The following ZNF708 variants were observed in gnomAD, a reference collection of about 807,000 sequenced individuals.
ZNF708 encodes ZNF15, ZNF15L1.
In ZNF708, 44 loss-of-function variants were observed where a neutral mutation model predicts 47.0. The observed-to-expected ratio is 0.94, with a 90% CI of 0.74 to 1.20. ZNF708 has a LOEUF of 1.20. Ranked by LOEUF, ZNF708 falls within the 50% of genes most tolerant of loss-of-function variation. The pLI, the probability that ZNF708 is intolerant of heterozygous loss-of-function variation, is 0.00. For synonymous variants in ZNF708, 184 were observed against 218.5 expected (o/e 0.84, Z 1.39); for missense variants, 557 against 656.0 (o/e 0.85, Z 1.65).
At chr19:21,307,128 A>T (rs866672510) in intron 3 of ZNF708, among the ~76,000 whole-genome samples, 214 of 145,422 alleles carry the variant, frequency 1.5e-3, no homozygotes, top group Middle Eastern at 0.015. Flanking sequence ...ATATAAAATA[A>T]AAAATAAAAT....
rs77583547 is a variant in ZNF708 at position 21,294,523 on chromosome 19, A to T, written c.443T>A (p.Val148Asp). 3.6e-3 allele frequency: 5,846 copies of T among 1,614,154 alleles called. 19 individuals are homozygous for T. Among genetic ancestry groups the T allele is most frequent in the Non-Finnish European group, 4.3e-3 (5,083 of 1,180,010 alleles). The part of the protein sequence containing the change: ...KIVQCDKYVK[V>D]FHKYSNAKRH... ...CTTTGCATTTGAATATTTATGAAAGACTTTCACGTATTTGTCACACTGAAC... is the reference window on the plus strand; with the variant it reads ...CTTTGCATTTGAATATTTATGAAAGTCTTTCACGTATTTGTCACACTGAAC... Residue 148 changes from valine to aspartate, a missense_variant, in exon 4 of 4, where the codon GTC becomes GAC. Transcript: ENST00000356929.
intron 1 of ZNF708, among the ~76,000 whole-genome samples, chr19:21,313,385 G>A (rs1305489363): frequency 6.6e-6 from 1 of 151,872 alleles, no homozygotes; most frequent in Non-Finnish European, 1.5e-5. Flanking sequence ...GGTACTAAGT[G>A]TTTAATAATT....
chr19:21,309,936 A>C (rs1972862139), intron 2 of ZNF708, among the ~76,000 whole-genome samples: 1 of 152,188 alleles, frequency 6.6e-6, no homozygotes, highest in Non-Finnish European at 1.5e-5. Flanking sequence ...TATGCCACTA[A>C]ATTTCTGGAA....
chr19:21,329,265 G>T lies in ZNF708; in HGVS notation c.-53C>A. The T allele has an allele frequency of 1.2e-6, 2 of 1,607,414 alleles. No individual in the cohort carries two copies. Among genetic ancestry groups the T allele is most frequent in the East Asian group, 4.5e-5 (2 of 44,594 alleles). On this transcript the variant is annotated 5_prime_UTR_variant, in exon 1 of 4. Transcript: ENST00000356929. ...CTTAGCTGTGGATCTCCCAATACCT[G>T]CAGGTCACAGAGCCACAGAGTCTGG...
intron 3 of ZNF708, among the ~76,000 whole-genome samples, chr19:21,297,678 G>A (rs576638523): frequency 6.9e-5 from 10 of 145,536 alleles, no homozygotes; most frequent in Non-Finnish European, 1.5e-5. Flanking sequence ...AATTTTCAAC[G>A]AAATGATTTA....
intron 3 of ZNF708, among the ~76,000 whole-genome samples, chr19:21,299,566 C>G (rs1302262974): frequency 2.0e-5 from 3 of 151,828 alleles, no homozygotes; most frequent in Admixed American, 2.0e-4. Context: ...GCCTGGCCAA[C>G]ATGGTGAAAC....
rs1457089089 is a variant in ZNF708, at chr19:21,327,225, T to C, written c.3+1985A>G. On this transcript the variant is annotated intron_variant, in intron 1 of 3. Coordinates refer to ENST00000356929, the MANE Select transcript of ZNF708 (RefSeq NM_021269.3). ...TGACAAACCCAGGGAGTGGTAGTGC[T>C]AATTAGAAAACAGATGTGTCTAGAC... 5.3e-5 allele frequency among the ~76,000 whole-genome samples: 8 copies of C among 152,060 alleles called. No individual in the cohort carries two copies. The East Asian group carries it at 1.6e-3, about 30-fold the overall frequency.
chr19:21,295,539 A>C (rs989740368), intron 3 of ZNF708, among the ~76,000 whole-genome samples: 1 of 152,162 alleles, frequency 6.6e-6, no homozygotes, highest in African/African-American at 2.4e-5. Context: ...TGAGGTTGGG[A>C]GTTCAAGACC....
chr19:21,315,957 C>G (rs1371345004), intron 1 of ZNF708, among the ~76,000 whole-genome samples: 1 of 150,894 alleles, frequency 6.6e-6, no homozygotes, highest in Non-Finnish European at 1.5e-5. Flanking sequence ...GTAATCCCAG[C>G]TACTGAGAGG....
Position 21,293,421 on chromosome 19 carries a change from C to T in ZNF708, c.1545G>A (p.Gln515=). 1.2e-6 allele frequency: 2 copies of T among 1,612,328 alleles called. No homozygotes were observed. The highest frequency in any genetic ancestry group is 1.7e-6 in the Non-Finnish European group (2 of 1,179,446). ...TCTTATGTTTCATAAGGGTTGAGGA[C>T]TGGTTAAAAGCTTTGCCACATTCTT... ...KCKECGKAFN[Q]SSTLMKHKII... Residue 515 remains glutamine, a synonymous_variant, in exon 4 of 4, where the codon CAG becomes CAA. Transcript: ENST00000356929.
intron 2 of ZNF708, among the ~76,000 whole-genome samples, chr19:21,310,243 G>A (rs991342903): frequency 5.3e-5 from 8 of 151,634 alleles, no homozygotes; most frequent in African/African-American, 1.9e-4. Context: ...TCAGGAGTTC[G>A]AGATCAGCCT....
At chr19:21,322,085 C>G (rs558498116) in intron 1 of ZNF708, among the ~76,000 whole-genome samples, 2 of 152,136 alleles carry the variant, frequency 1.3e-5, no homozygotes, top group East Asian at 3.9e-4. Flanking sequence ...GCGGATATGC[C>G]AGGAGACTTG....
chr19:21,325,907 T>C (rs904055097), intron 1 of ZNF708, among the ~76,000 whole-genome samples: 10 of 152,134 alleles, frequency 6.6e-5, no homozygotes, highest in African/African-American at 2.4e-4. Context: ...ACTAAGGATA[T>C]GAATAAACAA....
At chr19:21,325,493 TGGG>T (rs1486181246) in intron 1 of ZNF708, among the ~76,000 whole-genome samples, 1 of 152,192 alleles carries the variant, frequency 6.6e-6, no homozygotes, top group Non-Finnish European at 1.5e-5. Context: ...CAAATGGTAC[TGGG>T]ATAATTGGCT....
intron 1 of ZNF708, among the ~76,000 whole-genome samples, chr19:21,314,784 A>G (rs1327803201): frequency 6.6e-6 from 1 of 152,174 alleles, no homozygotes; most frequent in Non-Finnish European, 1.5e-5. Flanking sequence ...CAAACACAGG[A>G]TGACTCATTT....
chr19:21,307,731 G>A (rs923897180), intron 3 of ZNF708, among the ~76,000 whole-genome samples: 1 of 152,082 alleles, frequency 6.6e-6, no homozygotes, highest in African/African-American at 2.4e-5. Context: ...ACTATATTGT[G>A]CCCACTTGTC....
intron 1 of ZNF708, among the ~76,000 whole-genome samples, chr19:21,316,068 C>CAAA (rs71176850): frequency 1.4e-5 from 2 of 139,032 alleles, no homozygotes; most frequent in Non-Finnish European, 1.5e-5. Flanking sequence ...AAACCTGTCT[C>CAAA]AAAAAAAAAA....
chr19:21,322,932 GCTA>G (rs1219985663), intron 1 of ZNF708, among the ~76,000 whole-genome samples: 1 of 152,100 alleles, frequency 6.6e-6, no homozygotes, highest in African/African-American at 2.4e-5. Flanking sequence ...ACATTTCTGA[GCTA>G]CTGTTTAAAA....
At chr19:21,305,755 C>T (rs1019270291) in intron 3 of ZNF708, among the ~76,000 whole-genome samples, 1 of 152,150 alleles carries the variant, frequency 6.6e-6, no homozygotes, top group Non-Finnish European at 1.5e-5. Flanking sequence ...GCCACCGGGC[C>T]TGGCCTAAAA....
Sources: allele counts gnomAD v4.1 joint callset (sites outside exome capture counted in the v4.1 genomes callset), GRCh38; gene constraint gnomAD v4.1.1; transcripts MANE v1.5; gene names NCBI Gene and HGNC (gene_info 2026-07-23, HGNC 2026-07-21).